Variants in PTPRM observed in about 807,000 individuals in gnomAD.
The protein encoded by PTPRM is receptor-type tyrosine-protein phosphatase mu.
Under a neutral mutation model 186.7 loss-of-function variants are expected in PTPRM, and 47 were observed. The observed-to-expected ratio is 0.25, with a 90% CI of 0.20 to 0.32. The LOEUF (loss-of-function observed/expected upper bound fraction) is 0.32. PTPRM is among the 10% of genes least tolerant of loss of function. PTPRM has a pLI of 1.00. For synonymous variants in PTPRM, 668 were observed against 674.9 expected, an observed-to-expected ratio of 0.99 and a Z score of 0.16; for missense variants, 1,494 against 1,865.0, an observed-to-expected ratio of 0.80 and a Z score of 3.66.
intron 7 of PTPRM, among the ~76,000 whole-genome samples, chr18:8,068,572 G>T (rs544007868): frequency 6.6e-6 from 1 of 152,120 alleles, no homozygotes; most frequent in African/African-American, 2.4e-5. Context: ...TGTACCTGGA[G>T]CTTGGGCTAA....
chr18:7,576,658 G>C (rs2036695568), intron 1 of PTPRM, among the ~76,000 whole-genome samples: 1 of 152,070 alleles, frequency 6.6e-6, no homozygotes, highest in African/African-American at 2.4e-5. Context: ...GAAAAAAATT[G>C]ATAGAGATGG....
chr18:8,375,998 T>TG (rs2095692437), intron 24 of PTPRM, 48 bp from the exon 25 acceptor site: 2 of 1,557,956 alleles, frequency 1.3e-6, no homozygotes, highest in Non-Finnish European at 1.8e-6. Flanking sequence ...TATTTGTGGT[T>TG]TGTTTTCCCT....
At chr18:7,799,244 C>T (rs538199307) in intron 2 of PTPRM, among the ~76,000 whole-genome samples, 2 of 152,178 alleles carry the variant, frequency 1.3e-5, no homozygotes, top group Non-Finnish European at 2.9e-5. Flanking sequence ...GGCAAAAGGG[C>T]AGATGGAGCT....
At chr18:8,171,682 A>AT (rs1014670311) in intron 14 of PTPRM, among the ~76,000 whole-genome samples, 1 of 151,970 alleles carries the variant, frequency 6.6e-6, no homozygotes, top group Non-Finnish European at 1.5e-5. Flanking sequence ...AGAGGCTGAG[A>AT]TTTTTCCGAG....
At chr18:8,286,108 G>A (rs966727319) in intron 19 of PTPRM, among the ~76,000 whole-genome samples, 1 of 152,222 alleles carries the variant, frequency 6.6e-6, no homozygotes, top group African/African-American at 2.4e-5. Context: ...AGTGCTGAAG[G>A]TGTACATGAG....
intron 29 of PTPRM, among the ~76,000 whole-genome samples, chr18:8,383,724 T>G (rs777175921): frequency 3.9e-5 from 6 of 152,238 alleles, no homozygotes; most frequent in Non-Finnish European, 7.3e-5. Flanking sequence ...TGCAAGGGTT[T>G]GGACTGGAAC....
At position 7,918,096 on chromosome 18, in the gene PTPRM, G is replaced by C. The variant is rs1419848735; in HGVS notation, c.548-8472G>C. On this transcript the variant is annotated intron_variant, in intron 4 of 32. Transcript: ENST00000580170. The stretch of plus-strand genomic sequence containing the variant: ...TGTGTGTTTGTGTGTGTGTGTGTGT[G>C]TGTGTGTGTATGTGTATTACATTTT... 2.0e-5 allele frequency among the ~76,000 whole-genome samples: 3 copies of C among 151,928 alleles called. No individual in the cohort carries two copies. In the East Asian group the frequency reaches 5.8e-4, roughly 29 times the overall value.
intron 11 of PTPRM, among the ~76,000 whole-genome samples, chr18:8,106,520 A>G (rs1488277748): frequency 6.6e-6 from 1 of 152,092 alleles, no homozygotes; most frequent in Non-Finnish European, 1.5e-5. Flanking sequence ...CCTTTGTACA[A>G]ACCCTTATCA....
intron 1 of PTPRM, among the ~76,000 whole-genome samples, chr18:7,744,376 C>T (rs2040942923): frequency 6.6e-6 from 1 of 151,828 alleles, no homozygotes; most frequent in South Asian, 2.1e-4. Context: ...TGTAAAGAGG[C>T]ATGTCTTCAT....
rs1029939481 is a variant in PTPRM at position 8,045,995 on chromosome 18, C to T, written c.1133-23691C>T. 1.1e-4 allele frequency among the ~76,000 whole-genome samples: 17 copies of T among 152,252 alleles called. No individual in the cohort carries two copies. In the East Asian group the frequency reaches 1.5e-3, roughly 14 times the overall value. Reference sequence around the variant, plus strand: ...ATCTCATCTTGAATTGTAATCCTTACGTGTCAAGGGTAGTGTCATGGGGAG... The same window carrying T: ...ATCTCATCTTGAATTGTAATCCTTATGTGTCAAGGGTAGTGTCATGGGGAG... On this transcript the variant is annotated intron_variant, in intron 7 of 32. Transcript: ENST00000580170.
chr18:8,353,827 A>G (rs1048366731), intron 23 of PTPRM, among the ~76,000 whole-genome samples: 11 of 152,218 alleles, frequency 7.2e-5, no homozygotes, highest in Non-Finnish European at 1.2e-4. Context: ...TTTATTCACA[A>G]GCATCTACTG....
At chr18:7,873,912 ACT>A (rs1190429765) in intron 2 of PTPRM, among the ~76,000 whole-genome samples, 1 of 152,044 alleles carries the variant, frequency 6.6e-6, no homozygotes, top group Non-Finnish European at 1.5e-5. Context: ...GACTTGTAGG[ACT>A]CTCTTCTGTA....
intron 1 of PTPRM, among the ~76,000 whole-genome samples, chr18:7,769,916 A>G (rs1198996798): frequency 1.3e-5 from 2 of 152,176 alleles, no homozygotes; most frequent in Non-Finnish European, 2.9e-5. Context: ...AAAGAGAGAG[A>G]ATGAGTGATG....
At chr18:7,585,164 A>G (rs535561260) in intron 1 of PTPRM, among the ~76,000 whole-genome samples, 13 of 152,350 alleles carry the variant, frequency 8.5e-5, no homozygotes, top group Non-Finnish European at 1.5e-4. Context: ...GTTAGACAAT[A>G]GACACGGGAG....
intron 19 of PTPRM, among the ~76,000 whole-genome samples, chr18:8,285,184 G>A (rs2147779844): frequency 6.6e-6 from 1 of 152,226 alleles, no homozygotes; most frequent in African/African-American, 2.4e-5. Flanking sequence ...TTTTTCCACT[G>A]ACATTCACAG....
intron 15 of PTPRM, among the ~76,000 whole-genome samples, chr18:8,245,233 G>A (rs1336938126): frequency 6.6e-6 from 1 of 152,052 alleles, no homozygotes; most frequent in Non-Finnish European, 1.5e-5. Flanking sequence ...TGAGCTTTGC[G>A]TTTCTCGTAC....
chr18:7,821,312 T>C (rs2145610001), intron 2 of PTPRM, among the ~76,000 whole-genome samples: 1 of 152,310 alleles, frequency 6.6e-6, no homozygotes, highest in South Asian at 2.1e-4. Flanking sequence ...CAGTTGCTTT[T>C]CAGTCCCTCT....
intron 1 of PTPRM, among the ~76,000 whole-genome samples, chr18:7,642,229 C>A (rs532769678): frequency 6.6e-6 from 1 of 152,250 alleles, no homozygotes; most frequent in African/African-American, 2.4e-5. Context: ...CAAGAAGTTT[C>A]CAGTTTTTTT....
At chr18:7,762,018 G>A (rs1175317119) in intron 1 of PTPRM, among the ~76,000 whole-genome samples, 2 of 152,142 alleles carry the variant, frequency 1.3e-5, no homozygotes, top group Non-Finnish European at 2.9e-5. Flanking sequence ...ACAACATTCT[G>A]TTAAATCTAG....
Sources: gnomAD v4.1 joint callset for allele counts (sites outside exome capture counted in the v4.1 genomes callset) on GRCh38, gnomAD v4.1.1 for gene constraint, MANE v1.5 for transcripts, NCBI Gene and HGNC (gene_info 2026-07-23, HGNC 2026-07-21) for gene names.